Variants in RARB observed in about 807,000 individuals in gnomAD.
The protein encoded by RARB is retinoic acid receptor beta, also known as HBV-activated protein.
Under a neutral mutation model 51.9 loss-of-function variants are expected in RARB, and 17 were observed. The observed-to-expected ratio is 0.33, with a 90% CI of 0.22 to 0.49. The LOEUF is 0.49. RARB is among the 20% of genes least tolerant of loss of function. The pLI is 0.99. For missense variants in RARB, 369 were observed against 550.8 expected (o/e 0.67, Z 3.30); for synonymous variants, 215 against 195.4 (o/e 1.10, Z -0.84).
intron 3 of RARB, among the ~76,000 whole-genome samples, chr3:25,545,537 C>T (rs775622711): frequency 6.6e-6 from 1 of 152,170 alleles, no homozygotes; most frequent in African/African-American, 2.4e-5. Flanking sequence ...AACGTTCACC[C>T]GCTCTCCACT....
intron 2 of RARB, among the ~76,000 whole-genome samples, chr3:24,865,331 T>C (rs1011519399): frequency 2.0e-4 from 31 of 152,144 alleles, no homozygotes; most frequent in African/African-American, 7.2e-4. Flanking sequence ...AAAATATACA[T>C]GTAAATGGAT....
intron 3 of RARB, among the ~76,000 whole-genome samples, chr3:25,111,931 TGGATATGTTTTG>T (rs1699609748): frequency 6.6e-6 from 1 of 152,116 alleles, no homozygotes; most frequent in African/African-American, 2.4e-5. Context: ...ACCTTTGATT[TGGATATGTTTTG>T]AAGACATGCT....
chr3:24,842,467 C>T (rs1435802247), intron 1 of RARB, among the ~76,000 whole-genome samples: 1 of 152,070 alleles, frequency 6.6e-6, no homozygotes, highest in Non-Finnish European at 1.5e-5. Context: ...AGGGAGTGAT[C>T]TTATTAGCAC....
In RARB at chr3:25,541,713, C is replaced by T. The variant is rs559569227; in HGVS notation, c.449-28045C>T. ...AGTCCATTGGCCCCAACACCTCACT[C>T]CTTATTGTGACATACTGTGAATATG... On this transcript the variant is annotated intron_variant, in intron 3 of 7. Coordinates refer to ENST00000330688, the MANE Select transcript of RARB (RefSeq NM_000965.5). Among the ~76,000 whole-genome samples the T allele has an allele frequency of 6.6e-5, 10 of 152,340 alleles. No homozygotes were observed. The South Asian group carries it at 1.9e-3, about 28-fold the overall frequency.
intron 2 of RARB, among the ~76,000 whole-genome samples, chr3:25,046,092 G>A (rs531783415): frequency 3.9e-5 from 6 of 152,182 alleles, no homozygotes; most frequent in Non-Finnish European, 5.9e-5. Flanking sequence ...AGATCAGAAA[G>A]AGGCTTTTGC....
At chr3:24,909,856 T>C (rs1187438533) in intron 2 of RARB, among the ~76,000 whole-genome samples, 1 of 152,182 alleles carries the variant, frequency 6.6e-6, no homozygotes, top group Non-Finnish European at 1.5e-5. Context: ...TTTGTATGCA[T>C]GTTAGCATAA....
At chr3:24,879,021 T>C (rs1325984564) in intron 2 of RARB, among the ~76,000 whole-genome samples, 1 of 152,230 alleles carries the variant, frequency 6.6e-6, no homozygotes, top group Non-Finnish European at 1.5e-5. Context: ...GCCAGTCTGA[T>C]ATATTAACTG....
intron 2 of RARB, among the ~76,000 whole-genome samples, chr3:24,864,753 G>A (rs1290248792): frequency 6.6e-6 from 1 of 152,026 alleles, no homozygotes; most frequent in East Asian, 1.9e-4. Flanking sequence ...AGATCATGTT[G>A]CCTGCAAAGA....
At chr3:25,249,305 T>G (rs754117266) in intron 5 of RARB, among the ~76,000 whole-genome samples, 1 of 152,144 alleles carries the variant, frequency 6.6e-6, no homozygotes, top group Non-Finnish European at 1.5e-5. Flanking sequence ...TATCTGTCTC[T>G]TAATAAATTT....
At chr3:25,554,373 C>T (rs1240298293) in intron 3 of RARB, among the ~76,000 whole-genome samples, 1 of 152,004 alleles carries the variant, frequency 6.6e-6, no homozygotes, top group African/African-American at 2.4e-5. Context: ...GGTCAGCCAA[C>T]TCTGCAGTCC....
At chr3:25,328,800 C>A (rs564338027) in intron 5 of RARB, among the ~76,000 whole-genome samples, 1 of 152,262 alleles carries the variant, frequency 6.6e-6, no homozygotes, top group Admixed American at 6.5e-5. Flanking sequence ...CAGATGGTAC[C>A]TGGAAAATTA....
chr3:25,172,034 G>A (rs1700655624), intron 4 of RARB, among the ~76,000 whole-genome samples: 1 of 152,150 alleles, frequency 6.6e-6, no homozygotes, highest in Admixed American at 6.6e-5. Flanking sequence ...TTTTGGGTGG[G>A]ATTTTTAGAA....
chr3:25,072,527 G>T (rs1473337774), intron 3 of RARB, among the ~76,000 whole-genome samples: 1 of 152,014 alleles, frequency 6.6e-6, no homozygotes, highest in Non-Finnish European at 1.5e-5. Context: ...GATAACTGTT[G>T]GAAACACAAG....
intron 2 of RARB, among the ~76,000 whole-genome samples, chr3:25,484,569 A>G (rs1007748365): frequency 6.6e-6 from 1 of 151,658 alleles, no homozygotes; most frequent in Non-Finnish European, 1.5e-5. Flanking sequence ...TTTACATTTT[A>G]AATGCTTGAA....
intron 4 of RARB, among the ~76,000 whole-genome samples, chr3:25,146,174 T>A (rs1700185507): frequency 6.6e-6 from 1 of 152,152 alleles, no homozygotes; most frequent in South Asian, 2.1e-4. Flanking sequence ...AAATGAAGAT[T>A]AAGGAGCTAA....
chr3:25,487,871 C>T (rs1696547340), intron 2 of RARB, among the ~76,000 whole-genome samples: 1 of 152,162 alleles, frequency 6.6e-6, no homozygotes, highest in East Asian at 1.9e-4. Flanking sequence ...TGGTTTGAAC[C>T]AACTAAACTT....
chr3:25,119,647 AAAAC>A (rs771660920), intron 3 of RARB, among the ~76,000 whole-genome samples: 31 of 150,880 alleles, frequency 2.1e-4, no homozygotes, highest in Non-Finnish European at 3.8e-4. Flanking sequence ...AAAAAGTGAT[AAAAC>A]AAACAAACAA....
At chr3:24,912,572 C>G (rs1695012847) in intron 2 of RARB, among the ~76,000 whole-genome samples, 1 of 152,004 alleles carries the variant, frequency 6.6e-6, no homozygotes, top group Admixed American at 6.6e-5. Context: ...CTTAACATAG[C>G]CAATCTTTTA....
chr3:25,497,456 G>A (rs902707619), intron 2 of RARB, among the ~76,000 whole-genome samples: 5 of 151,966 alleles, frequency 3.3e-5, no homozygotes, highest in East Asian at 1.9e-4. Context: ...CTCTTCTTTC[G>A]CCAATTTCTT....
Sources: gnomAD v4.1 joint callset for allele counts (sites outside exome capture counted in the v4.1 genomes callset) on GRCh38, gnomAD v4.1.1 for gene constraint, MANE v1.5 for transcripts, NCBI Gene and HGNC (gene_info 2026-07-23, HGNC 2026-07-21) for gene names.